Variants in SCML2 observed in about 807,000 individuals in gnomAD.
SCML2 encodes the protein Scm polycomb group protein like 2, also known as sex comb on midleg-like protein 2.
A neutral mutation model predicts 48.4 loss-of-function variants in SCML2; 6 were observed. That is an observed-to-expected ratio of 0.12 (90% CI 0.07 to 0.24). The LOEUF is 0.24. Ranked by LOEUF, SCML2 falls within the 10% of genes least tolerant of loss-of-function variation. The pLI is 1.00. For synonymous variants in SCML2, 181 were observed against 189.5 expected (o/e 0.95, Z 0.37); for missense variants, 377 against 528.2 (o/e 0.71, Z 2.81).
intron 7 of SCML2, among the ~76,000 whole-genome samples, chrX:18,271,662 C>G (rs937905151): frequency 9.2e-6 from 1 of 109,067 alleles, no homozygotes; most frequent in Admixed American, 9.8e-5. Flanking sequence ...TGCTCCCCCA[C>G]CCCCCTGCCC....
At chrX:18,331,043 T>C (rs1259561418) in intron 2 of SCML2, among the ~76,000 whole-genome samples, 1 of 109,584 alleles carries the variant, frequency 9.1e-6, no homozygotes, top group Non-Finnish European at 1.9e-5. Flanking sequence ...GCAGATCACA[T>C]GAGGTCACGA....
At position 18,239,870 on chromosome X, in the gene SCML2, T is replaced by C. The variant is rs1926203253; in HGVS notation, c.*1381A>G. ...AAATTAGCTGGGCGTGGTGGTGCAT[T>C]CCTGTAATCGCTGAGGCAGGAGAAT... On this transcript the variant is annotated 3_prime_UTR_variant, in exon 15 of 15. Coordinates refer to ENST00000251900, the MANE Select transcript of SCML2 (RefSeq NM_006089.3). 1.8e-5 allele frequency: 2 copies of C among 111,449 alleles called. No individual in the cohort carries two copies. Among genetic ancestry groups the C allele is most frequent in the Non-Finnish European group, 3.8e-5 (2 of 53,097 alleles). The allele number at this position is 111,449 out of a possible 1,213,427, so 9.2% of individuals were successfully genotyped here.
chrX:18,281,569 G>A (rs953877263), intron 7 of SCML2, among the ~76,000 whole-genome samples: 4 of 109,239 alleles, frequency 3.7e-5, no homozygotes, highest in East Asian at 5.9e-4. Context: ...AAAATTAGCC[G>A]GGCGTGCTGG....
At chrX:18,258,526 G>A (rs930769524) in intron 9 of SCML2, among the ~76,000 whole-genome samples, 6 of 111,221 alleles carry the variant, frequency 5.4e-5, no homozygotes, top group African/African-American at 1.6e-4. Flanking sequence ...GACATTTTAG[G>A]CACATCACAA....
At chrX:18,282,613 G>A (rs777716495) in intron 7 of SCML2, among the ~76,000 whole-genome samples, 1 of 111,567 alleles carries the variant, frequency 9.0e-6, no homozygotes, top group African/African-American at 3.3e-5. Context: ...ACTCCAGCCT[G>A]GGTGACAAAG....
Position 18,241,105 on chromosome X carries a change from TG to T in SCML2, c.*145del. ...ACTCCAGGAAAAAAACAAAGTTGAC[TG>T]AACTGTTACTACAGTTCTGCAATTC... is the stretch of plus-strand genomic sequence containing the variant. On this transcript the variant is annotated 3_prime_UTR_variant, in exon 15 of 15. Coordinates refer to ENST00000251900, the MANE Select transcript of SCML2 (RefSeq NM_006089.3). 2.1e-6 allele frequency: 1 copy of T among 471,743 alleles called. No individual in the cohort carries two copies. Among genetic ancestry groups the T allele is most frequent in the Non-Finnish European group, 3.1e-6 (1 of 321,417 alleles). 38.9% of individuals were successfully genotyped at this position (471,743 alleles called of 1,213,427 possible).
At chrX:18,310,072 T>C (rs1180623838) in intron 6 of SCML2, among the ~76,000 whole-genome samples, 1 of 111,702 alleles carries the variant, frequency 9.0e-6, no homozygotes, top group African/African-American at 3.3e-5. Context: ...GAGGTCATTA[T>C]GTTAAGTGAA....
rs1395028679 is a variant in SCML2 at position 18,309,970 on chromosome X, G to A, written c.487-4755C>T. On this transcript the variant is annotated intron_variant, in intron 6 of 14. Transcript: ENST00000251900. ...AAAAAAATCAAGTGTCCATCAACAG[G>A]TGAATAAAGAAAATGTGATATATAT... 2.7e-5 allele frequency among the ~76,000 whole-genome samples: 3 copies of A among 111,525 alleles called. No homozygotes were observed. In the East Asian group the frequency reaches 8.4e-4, roughly 31 times the overall value.
intron 1 of SCML2, among the ~76,000 whole-genome samples, chrX:18,339,209 T>C (rs1214568997): frequency 8.9e-6 from 1 of 111,855 alleles, no homozygotes; most frequent in African/African-American, 3.2e-5. Flanking sequence ...TGCTCTTATA[T>C]TAAGCTGAAA....
intron 1 of SCML2, among the ~76,000 whole-genome samples, chrX:18,346,111 C>T (rs921774971): frequency 9.0e-6 from 1 of 110,568 alleles, no homozygotes; most frequent in Non-Finnish European, 1.9e-5. Context: ...CTGTTCTTTC[C>T]TGCAATATCA....
chrX:18,275,226 C>T (rs985671415), intron 7 of SCML2, among the ~76,000 whole-genome samples: 2 of 112,427 alleles, frequency 1.8e-5, no homozygotes, highest in South Asian at 3.7e-4. Context: ...CACTCATATT[C>T]GGCTCAGAAT....
intron 7 of SCML2, among the ~76,000 whole-genome samples, chrX:18,277,964 C>T (rs983211145): frequency 2.7e-5 from 3 of 110,046 alleles, no homozygotes; most frequent in East Asian, 2.9e-4. Flanking sequence ...CTCGGGAGTT[C>T]GACATCAGCC....
chrX:18,247,198 T>C (rs1926480169), intron 12 of SCML2, among the ~76,000 whole-genome samples: 1 of 111,157 alleles, frequency 9.0e-6, no homozygotes, highest in African/African-American at 3.3e-5. Flanking sequence ...GGTTTCATCA[T>C]GTTGGCCAGG....
chrX:18,346,355 G>A (rs1255851724), intron 1 of SCML2, among the ~76,000 whole-genome samples: 2 of 110,879 alleles, frequency 1.8e-5, no homozygotes, highest in Non-Finnish European at 3.8e-5. Context: ...TACATAACAG[G>A]TATAACTAAA....
In SCML2 at chrX:18,309,614, T is replaced by A. The variant is rs1259179987; in HGVS notation, c.487-4399A>T. Reference sequence around the variant, plus strand: ...TATGCAGCCATAAAAAAGGACGAGATCATGTCCTCTGTAACACAGATGGAG... The same window carrying A: ...TATGCAGCCATAAAAAAGGACGAGAACATGTCCTCTGTAACACAGATGGAG... On this transcript the variant is annotated intron_variant, in intron 6 of 14. Transcript: ENST00000251900. Among the ~76,000 whole-genome samples, 3 of 111,703 alleles carry A rather than the reference T, an allele frequency of 2.7e-5. No individual in the cohort carries two copies. The East Asian group carries it at 8.4e-4, about 31-fold the overall frequency.
At chrX:18,315,721 C>T (rs148779204) in intron 6 of SCML2, among the ~76,000 whole-genome samples, 1,398 of 111,832 alleles carry the variant, frequency 0.013, 18 homozygotes, top group African/African-American at 0.043. Flanking sequence ...AGATACCACT[C>T]TTGTTATTGA....
At chrX:18,274,384 C>G (rs1927560671) in intron 7 of SCML2, among the ~76,000 whole-genome samples, 2 of 112,321 alleles carry the variant, frequency 1.8e-5, no homozygotes, top group African/African-American at 6.5e-5. Context: ...TAGTGCACTC[C>G]AGTTCCCACC....
At chrX:18,328,045 T>C (rs779383894) in intron 3 of SCML2, among the ~76,000 whole-genome samples, 35 of 111,542 alleles carry the variant, frequency 3.1e-4, no homozygotes, top group Non-Finnish European at 5.6e-4. Context: ...ACTGATATGA[T>C]TTTATATATA....
At chrX:18,336,138 A>C (rs767451199) in intron 1 of SCML2, among the ~76,000 whole-genome samples, 2 of 111,863 alleles carry the variant, frequency 1.8e-5, no homozygotes, top group South Asian at 7.5e-4. Flanking sequence ...GAAAAAGAAA[A>C]ATATTTTTAA....
Sources: allele counts gnomAD v4.1 joint callset (sites outside exome capture counted in the v4.1 genomes callset), GRCh38; gene constraint gnomAD v4.1.1; transcripts MANE v1.5; gene names NCBI Gene and HGNC (gene_info 2026-07-23, HGNC 2026-07-21).